KCNN2: variants seen among roughly 807,000 people sequenced by gnomAD.
The protein encoded by KCNN2 is small conductance calcium-activated potassium channel protein 2.
In KCNN2, 24 loss-of-function variants were observed where a neutral mutation model predicts 55.5. The ratio of observed to expected loss-of-function variants is 0.43; its 90% confidence interval spans 0.31 to 0.61. The LOEUF is 0.61. Among genes scored for constraint, KCNN2 ranks in the 20% least tolerant of loss-of-function variants. The pLI is 0.08. For synonymous variants in KCNN2, 431 were observed against 336.1 expected (o/e 1.28, Z -3.09); for missense variants, 754 against 853.6 (o/e 0.88, Z 1.45).
intron 2 of KCNN2, among the ~76,000 whole-genome samples, chr5:114,321,922 T>G (rs961321330): frequency 1.3e-5 from 2 of 152,140 alleles, no homozygotes; most frequent in African/African-American, 4.8e-5. Context: ...AGTGCTGGGA[T>G]TATAAGTATG....
intron 1 of KCNN2, among the ~76,000 whole-genome samples, chr5:114,168,393 C>G (rs1318929280): frequency 6.6e-6 from 1 of 151,992 alleles, no homozygotes; most frequent in Non-Finnish European, 1.5e-5. Context: ...TTTATCTCCT[C>G]AATTTATAAA....
intron 1 of KCNN2, among the ~76,000 whole-genome samples, chr5:114,176,656 C>T (rs1753136005): frequency 6.6e-6 from 1 of 152,034 alleles, no homozygotes; most frequent in African/African-American, 2.4e-5. Context: ...AAAATAAACA[C>T]ATGTCAAAGG....
chr5:114,236,667 G>A (rs1004601482), intron 2 of KCNN2, among the ~76,000 whole-genome samples: 17 of 151,900 alleles, frequency 1.1e-4, no homozygotes, highest in African/African-American at 3.9e-4. Context: ...ATATCATCCC[G>A]ACTCCTGTGT....
intron 3 of KCNN2, among the ~76,000 whole-genome samples, chr5:114,439,988 C>A (rs1372504430): frequency 6.6e-6 from 1 of 152,122 alleles, no homozygotes; most frequent in Non-Finnish European, 1.5e-5. Flanking sequence ...AAACACTAAT[C>A]TCTATGAAGG....
At chr5:114,405,002 C>A in intron 3 of KCNN2, 146 bp downstream of exon 3, 1 of 640,914 alleles carries the variant, frequency 1.6e-6, no homozygotes, top group Non-Finnish European at 2.7e-6. Context: ...ATGACTGTGA[C>A]AAAGCTTTTC....
chr5:114,093,267 T>C (rs1751187006), intron 1 of KCNN2, among the ~76,000 whole-genome samples: 1 of 152,084 alleles, frequency 6.6e-6, no homozygotes, highest in Non-Finnish European at 1.5e-5. Flanking sequence ...TCCCAATGAG[T>C]TCCTCACCTC....
chr5:114,290,662 T>C (rs1417793481), intron 2 of KCNN2, among the ~76,000 whole-genome samples: 1 of 152,146 alleles, frequency 6.6e-6, no homozygotes, highest in African/African-American at 2.4e-5. Flanking sequence ...CTTAAGGTGG[T>C]AAGTTAGATT....
rs578161478 is a variant in KCNN2, at chr5:114,381,954, C to T, written c.1218+17953C>T. On this transcript the variant is annotated intron_variant, in intron 2 of 7. Transcript: ENST00000673685. ...GCAGGGATGGGAGTTGGATACCTGTCTGTTGATGGTTCAGATTCTTTTTTA... is the reference window on the plus strand; with the variant it reads ...GCAGGGATGGGAGTTGGATACCTGTTTGTTGATGGTTCAGATTCTTTTTTA... Among the ~76,000 whole-genome samples, 42 of 152,242 alleles carry T rather than the reference C, an allele frequency of 2.8e-4. No individual in the cohort carries two copies. The Middle Eastern group carries it at 0.014, about 49-fold the overall frequency.
intron 2 of KCNN2, among the ~76,000 whole-genome samples, chr5:114,343,937 G>C (rs1043508732): frequency 6.6e-6 from 1 of 152,104 alleles, no homozygotes; most frequent in Non-Finnish European, 1.5e-5. Context: ...GCCTATACCT[G>C]GAGACATCTG....
chr5:114,085,536 T>C (rs1366950173), intron 1 of KCNN2, among the ~76,000 whole-genome samples: 1 of 152,040 alleles, frequency 6.6e-6, no homozygotes, highest in African/African-American at 2.4e-5. Flanking sequence ...TATATAACCT[T>C]ATATCTACAA....
intron 4 of KCNN2, among the ~76,000 whole-genome samples, chr5:114,467,788 G>T (rs1377845308): frequency 6.6e-6 from 1 of 152,042 alleles, no homozygotes. Context: ...ACAGCTCATG[G>T]ACTCCACAAT....
intron 1 of KCNN2, among the ~76,000 whole-genome samples, chr5:114,095,465 A>G (rs1047886332): frequency 1.3e-5 from 2 of 152,160 alleles, no homozygotes; most frequent in African/African-American, 4.8e-5. Flanking sequence ...ACGAAGGCAG[A>G]TTATAACCTC....
chr5:114,349,784 G>T (rs943212809), intron 2 of KCNN2, among the ~76,000 whole-genome samples: 1 of 151,924 alleles, frequency 6.6e-6, no homozygotes, highest in East Asian at 1.9e-4. Context: ...GTGAAATGTT[G>T]AGTAAAATGG....
At chr5:114,172,299 G>A (rs937108264) in intron 1 of KCNN2, among the ~76,000 whole-genome samples, 3 of 151,886 alleles carry the variant, frequency 2.0e-5, no homozygotes, top group African/African-American at 7.2e-5. Context: ...AAGGTAGGAA[G>A]ATTGGTTTCA....
At chr5:114,104,595 A>G (rs1751441035) in intron 1 of KCNN2, among the ~76,000 whole-genome samples, 1 of 152,094 alleles carries the variant, frequency 6.6e-6, no homozygotes. Flanking sequence ...GATATAAACT[A>G]GTTGACAAGA....
chr5:114,411,985 C>A (rs1227859386), intron 3 of KCNN2, among the ~76,000 whole-genome samples: 1 of 152,182 alleles, frequency 6.6e-6, no homozygotes, highest in Non-Finnish European at 1.5e-5. Context: ...AAAATAGCTG[C>A]TTTTAGCACA....
At chr5:114,270,316 A>G (rs972614071) in intron 2 of KCNN2, among the ~76,000 whole-genome samples, 6 of 152,214 alleles carry the variant, frequency 3.9e-5, no homozygotes, top group Non-Finnish European at 8.8e-5. Context: ...CATTTATATC[A>G]AATTTCAGTC....
chr5:114,227,637 A>T (rs983851454), intron 2 of KCNN2, among the ~76,000 whole-genome samples: 1 of 152,236 alleles, frequency 6.6e-6, no homozygotes, highest in Non-Finnish European at 1.5e-5. Context: ...TACCATAAGT[A>T]CCTTAATGCT....
intron 1 of KCNN2, among the ~76,000 whole-genome samples, chr5:114,189,663 T>C (rs1243057679): frequency 1.3e-5 from 2 of 152,260 alleles, no homozygotes; most frequent in East Asian, 3.8e-4. Flanking sequence ...TATGTTAGTG[T>C]GTTTAATTCT....
Sources: gnomAD v4.1 joint callset for allele counts (sites outside exome capture counted in the v4.1 genomes callset) on GRCh38, gnomAD v4.1.1 for gene constraint, MANE v1.5 for transcripts, NCBI Gene and HGNC (gene_info 2026-07-23, HGNC 2026-07-21) for gene names.